ZNF605: variants seen among roughly 807,000 people sequenced by gnomAD.
ZNF605 encodes zinc finger protein 605.
A neutral mutation model predicts 7.9 loss-of-function variants in ZNF605; 9 were observed. The observed-to-expected ratio is 1.14, with a 90% CI of 0.68 to 1.98. The LOEUF (loss-of-function observed/expected upper bound fraction) is 1.98, where lower values mean the gene tolerates loss of function less well. Ranked by LOEUF, ZNF605 falls within the 30% of genes most tolerant of loss-of-function variation. The pLI, the probability that ZNF605 is intolerant of heterozygous loss-of-function variation, is 0.00. For missense variants in ZNF605, 673 were observed against 762.4 expected (o/e 0.88, Z 1.38); for synonymous variants, 255 against 260.1 (o/e 0.98, Z 0.19).
intron 2 of ZNF605, among the ~76,000 whole-genome samples, chr12:132,947,198 A>G (rs1410813817): frequency 6.6e-6 from 1 of 152,062 alleles, no homozygotes; most frequent in Non-Finnish European, 1.5e-5. Flanking sequence ...TATTTTTAGT[A>G]GAGTCGGGGT....
chr12:132,951,445 CATACAT>C, intron 1 of ZNF605, among the ~76,000 whole-genome samples: 1 of 151,088 alleles, frequency 6.6e-6, no homozygotes, highest in East Asian at 1.9e-4. Flanking sequence ...ATACGTATCT[CATACAT>C]ATACACACTC....
intron 3 of ZNF605, among the ~76,000 whole-genome samples, chr12:132,935,169 C>A (rs1474660813): frequency 6.6e-6 from 1 of 152,154 alleles, no homozygotes; most frequent in Non-Finnish European, 1.5e-5. Flanking sequence ...CCAGTCCCAG[C>A]AGCTACAAGG....
At chr12:132,951,183 CAG>C (rs1952560167) in intron 1 of ZNF605, among the ~76,000 whole-genome samples, 1 of 151,346 alleles carries the variant, frequency 6.6e-6, no homozygotes, top group African/African-American at 2.4e-5. Flanking sequence ...GACGTACACA[CAG>C]ACATGCACAC....
intron 1 of ZNF605, among the ~76,000 whole-genome samples, chr12:132,950,403 GCA>G (rs1314071884): frequency 7.9e-5 from 12 of 151,428 alleles, no homozygotes; most frequent in Non-Finnish European, 1.6e-4. Context: ...ACTCACGGAT[GCA>G]CACACATGCA....
At chr12:132,930,235 T>C (rs1175034341) in intron 4 of ZNF605, among the ~76,000 whole-genome samples, 3 of 152,194 alleles carry the variant, frequency 2.0e-5, no homozygotes, top group African/African-American at 7.2e-5. Context: ...GGTCTTGCTA[T>C]GTTGCCCAGG....
chr12:132,945,080 T>G (rs2137155160), intron 3 of ZNF605: 2 of 314,886 alleles, frequency 6.4e-6, no homozygotes, highest in South Asian at 6.7e-5. Context: ...CTCCATCTCC[T>G]GGGTTCAAGT....
chr12:132,942,375 G>A (rs991596033), intron 3 of ZNF605, among the ~76,000 whole-genome samples: 5 of 152,204 alleles, frequency 3.3e-5, no homozygotes, highest in Admixed American at 6.5e-5. Flanking sequence ...CGGTGCTGAC[G>A]AGGAGAGGCA....
rs764577509 is a variant in ZNF605, at chr12:132,924,124, C to T, written c.*1249G>A. Reference sequence around the variant, plus strand: ...TAATATCCTTGTCTACTAATTCCATCACCTCTGTCTTTTCTGGGTTTCTAC... The same window carrying T: ...TAATATCCTTGTCTACTAATTCCATTACCTCTGTCTTTTCTGGGTTTCTAC... On this transcript the variant is annotated 3_prime_UTR_variant, in exon 5 of 5. Coordinates refer to ENST00000360187, the MANE Select transcript of ZNF605 (RefSeq NM_183238.4). 1 of 152,156 alleles carries T rather than the reference C, an allele frequency of 6.6e-6. No individual in the cohort carries two copies. The highest frequency in any genetic ancestry group is 1.5e-5 in the Non-Finnish European group (1 of 68,026). 9.4% of individuals were successfully genotyped at this position (152,156 alleles called of 1,614,324 possible).
rs770567909 is a variant in ZNF605, at chr12:132,945,833, T to G, written c.-162-36A>C. The stretch of plus-strand genomic sequence containing the variant: ...AGTGGACATTTTATTTTAGATGATC[T>G]AATTAATTTGGGAACCTAAATCTTG... On this transcript the variant is annotated intron_variant, in intron 2 of 4. Coordinates refer to ENST00000360187, the MANE Select transcript of ZNF605 (RefSeq NM_183238.4). The G allele has an allele frequency of 5.0e-4, 373 of 740,260 alleles. 1 individual carries two copies. The highest frequency in any genetic ancestry group is 7.6e-4 in the Non-Finnish European group (331 of 435,762). 45.9% of individuals were successfully genotyped at this position (740,260 alleles called of 1,614,324 possible). A position where few individuals can be genotyped will look rare whatever the true frequency, so the allele number is the denominator to read the frequency against.
chr12:132,928,856 T>C (rs1161010545), intron 4 of ZNF605, among the ~76,000 whole-genome samples: 5 of 151,418 alleles, frequency 3.3e-5, no homozygotes, highest in Admixed American at 3.3e-4. Flanking sequence ...TTCAAATTTT[T>C]TTTTTCTAAA....
chr12:132,937,684 T>G (rs1046264824), intron 3 of ZNF605, among the ~76,000 whole-genome samples: 32 of 152,330 alleles, frequency 2.1e-4, no homozygotes, highest in Middle Eastern at 3.4e-3. Context: ...GCAATTCCAC[T>G]CCTAGGTGTT....
chr12:132,922,444 A>C lies in ZNF605; in HGVS notation c.*2929T>G, dbSNP rs1163274387. Reference sequence around the variant, plus strand: ...GCACAAAGAACTTTGTATTTGTTATAATTTCTACTGCATTGTCCAGATACA... The same window carrying C: ...GCACAAAGAACTTTGTATTTGTTATCATTTCTACTGCATTGTCCAGATACA... On this transcript the variant is annotated 3_prime_UTR_variant, in exon 5 of 5. Coordinates refer to ENST00000360187, the MANE Select transcript of ZNF605 (RefSeq NM_183238.4). 6.6e-6 allele frequency: 1 copy of C among 152,210 alleles called. No individual in the cohort carries two copies. Among genetic ancestry groups the C allele is most frequent in the African/African-American group, 2.4e-5 (1 of 41,460 alleles). The allele number at this position is 152,210 out of a possible 1,614,324, so 9.4% of individuals were successfully genotyped here. A position where few individuals can be genotyped will look rare whatever the true frequency, so the allele number is the denominator to read the frequency against.
chr12:132,926,743 T>G lies in ZNF605; in HGVS notation c.556A>C (p.Ile186Leu). The G allele has an allele frequency of 6.2e-7, 1 of 1,614,038 alleles. No homozygotes were observed. Among genetic ancestry groups the G allele is most frequent in the Non-Finnish European group, 8.5e-7 (1 of 1,179,880 alleles). Residue 186 changes from isoleucine (I) to leucine (L), a missense_variant, in exon 5 of 5, where the codon ATA becomes CTA. By Grantham distance (5) the Ile-to-Leu change is conservative. Transcript: ENST00000360187. ...RFFNKKSQLV[I>L]HQRTHTGEKP... ...TCTCCTGTATGAGTTCTCTGGTGTA[T>G]AACAAGTTGTGACTTCTTGTTAAAA...
At chr12:132,944,203 A>G (rs1051694461) in intron 3 of ZNF605, among the ~76,000 whole-genome samples, 2 of 150,216 alleles carry the variant, frequency 1.3e-5, no homozygotes, top group Non-Finnish European at 3.0e-5. Context: ...CCTATGGAGT[A>G]GCTATCCTTT....
chr12:132,949,193 A>G (rs986435607), intron 1 of ZNF605, among the ~76,000 whole-genome samples: 1 of 151,906 alleles, frequency 6.6e-6, no homozygotes, highest in African/African-American at 2.4e-5. Flanking sequence ...GGAGAAGGAC[A>G]CTCCTTTGAA....
At chr12:132,955,486 G>C (rs1952626896) in intron 1 of ZNF605, among the ~76,000 whole-genome samples, 1 of 152,200 alleles carries the variant, frequency 6.6e-6, no homozygotes, top group South Asian at 2.1e-4. Flanking sequence ...ACGGCAACGT[G>C]GCAGGTCTGT....
intron 3 of ZNF605, among the ~76,000 whole-genome samples, chr12:132,934,630 CA>C (rs1952343583): frequency 6.7e-6 from 1 of 148,780 alleles, no homozygotes; most frequent in Admixed American, 6.8e-5. Context: ...AGCTTGAACC[CA>C]GAAGGTAGAG....
chr12:132,933,498 C>T lies in ZNF605; in HGVS notation c.16-343G>A, dbSNP rs1483774948. ...GTGCCGTGGAACTGAGGCTTCCCAA[C>T]AGCCACTGAGTGAGCCTGGAGGAGC... On this transcript the variant is annotated intron_variant, in intron 3 of 4. Transcript: ENST00000360187. The surrounding 1 kb of genome is among the most constrained non-coding windows in gnomAD (Gnocchi z 4.4). Among the ~76,000 whole-genome samples the T allele has an allele frequency of 6.6e-6, 1 of 152,234 alleles. No individual in the cohort carries two copies. Among genetic ancestry groups the T allele is most frequent in the African/African-American group, 2.4e-5 (1 of 41,474 alleles).
chr12:132,956,008 A>C (rs939135550), intron 1 of ZNF605, among the ~76,000 whole-genome samples: 108 of 10,356 alleles, frequency 0.01, no homozygotes, highest in South Asian at 0.014. Flanking sequence ...CCCCCACCCC[A>C]CCCTCTGCCT....
Sources: allele counts gnomAD v4.1 joint callset (sites outside exome capture counted in the v4.1 genomes callset), GRCh38; gene constraint gnomAD v4.1.1; non-coding constraint Gnocchi (gnomAD v3.1); transcripts MANE v1.5; gene names NCBI Gene and HGNC (gene_info 2026-07-23, HGNC 2026-07-21).